MAP3K3: variants seen among roughly 807,000 people sequenced by gnomAD.
MAP3K3 encodes mitogen-activated protein kinase kinase kinase 3, also known as MAP/ERK kinase kinase 3.
A neutral mutation model predicts 80.9 loss-of-function variants in MAP3K3; 12 were observed. That is an observed-to-expected ratio of 0.15 (90% CI 0.10 to 0.24). The LOEUF (loss-of-function observed/expected upper bound fraction) is 0.24, where lower values mean the gene tolerates loss of function less well. MAP3K3 is among the 10% of genes least tolerant of loss of function. The pLI is 1.00. For missense variants in MAP3K3, 596 were observed against 834.7 expected, an observed-to-expected ratio of 0.71 and a Z score of 3.52; for synonymous variants, 272 against 307.1, an observed-to-expected ratio of 0.89 and a Z score of 1.19.
At chr17:63,678,548 G>T (rs919025544) in intron 6 of MAP3K3, among the ~76,000 whole-genome samples, 4 of 152,132 alleles carry the variant, frequency 2.6e-5, no homozygotes, top group African/African-American at 7.3e-5. Context: ...GGGGAGGCCA[G>T]ATTACTGAGG....
Position 63,692,555 on chromosome 17 carries a change from A to G in MAP3K3, c.1652+136A>G, listed in dbSNP as rs1459464091. The G allele has an allele frequency of 4.5e-6, 4 of 879,354 alleles. No homozygotes were observed. The African/African-American group carries it at 6.8e-5, about 15-fold the overall frequency. The allele number at this position is 879,354 out of a possible 1,614,324, so 54.5% of individuals were successfully genotyped here. The stretch of plus-strand genomic sequence containing the variant: ...CCCAGGCTGCAGTGTGTGCAAGGGT[A>G]TTATTGGGTGCAGTAGCACACACAC... On this transcript the variant is annotated intron_variant, in intron 15 of 15. Transcript: ENST00000361733. The surrounding 1 kb of genome is among the most constrained non-coding windows in gnomAD (Gnocchi z 4.5).
Position 63,688,769 on chromosome 17 carries a change from G to T in MAP3K3, c.779-20G>T. 6.3e-7 allele frequency: 1 copy of T among 1,584,278 alleles called. No homozygotes were observed. The highest frequency in any genetic ancestry group is 8.7e-7 in the Non-Finnish European group (1 of 1,152,848). Reference sequence around the variant, plus strand: ...CACATTGACCTACCCAGAAGCCAGTGATTCCCCTGTCTTACTCAGATCGGG... The same window carrying T: ...CACATTGACCTACCCAGAAGCCAGTTATTCCCCTGTCTTACTCAGATCGGG... On this transcript the variant is annotated intron_variant, in intron 9 of 15. Coordinates refer to ENST00000361733, the MANE Select transcript of MAP3K3 (RefSeq NM_002401.5).
intron 3 of MAP3K3, among the ~76,000 whole-genome samples, chr17:63,651,433 C>G (rs1012518578): frequency 2.0e-5 from 3 of 152,002 alleles, no homozygotes; most frequent in Non-Finnish European, 2.9e-5. Flanking sequence ...TTATCATTGC[C>G]ACTGCACTCC....
chr17:63,668,144 A>T (rs769094464), intron 6 of MAP3K3: 1 of 152,238 alleles, frequency 6.6e-6, no homozygotes, highest in South Asian at 2.1e-4. Context: ...TTATCCATAT[A>T]GGTAGAATTG....
chr17:63,652,493 T>C lies in MAP3K3; in HGVS notation c.168-64T>C, dbSNP rs549837596. On this transcript the variant is annotated intron_variant, in intron 3 of 15. Transcript: ENST00000361733. ...AGAAAGGAAGAATATACTCAGACCA[T>C]TGCTTTTTAAACCCTACGTTTTAAG... 193 of 1,056,982 alleles carry C rather than the reference T, an allele frequency of 1.8e-4. 1 individual carries two copies. The highest frequency in any genetic ancestry group is 2.7e-4 in the Non-Finnish European group (186 of 679,894). 65.5% of individuals were successfully genotyped at this position (1,056,982 alleles called of 1,614,324 possible).
chr17:63,634,385 A>T (rs1356681071), intron 2 of MAP3K3, among the ~76,000 whole-genome samples: 4 of 152,158 alleles, frequency 2.6e-5, no homozygotes, highest in African/African-American at 9.7e-5. Flanking sequence ...CTTGAATTGG[A>T]AGGCCCAAAA....
chr17:63,672,709 A>C (rs931915839), intron 6 of MAP3K3: 1 of 152,382 alleles, frequency 6.6e-6, no homozygotes, highest in South Asian at 2.1e-4. Flanking sequence ...GAGCCTGTGA[A>C]GGACACAGAA....
intron 1 of MAP3K3, among the ~76,000 whole-genome samples, chr17:63,623,933 T>C (rs2034047696): frequency 6.6e-6 from 1 of 152,238 alleles, no homozygotes; most frequent in African/African-American, 2.4e-5. Flanking sequence ...CTGTACGCTA[T>C]GTCAAATTCG....
At chr17:63,685,805 AC>A (rs1420377145) in intron 8 of MAP3K3, among the ~76,000 whole-genome samples, 2 of 152,236 alleles carry the variant, frequency 1.3e-5, no homozygotes, top group African/African-American at 2.4e-5. Context: ...TTTATTAAGT[AC>A]TTGCTTTGTT....
At chr17:63,684,120 C>T (rs1257651837) in intron 7 of MAP3K3, among the ~76,000 whole-genome samples, 1 of 151,896 alleles carries the variant, frequency 6.6e-6, no homozygotes, top group African/African-American at 2.4e-5. Context: ...GCTTAGGTGA[C>T]AGAATGAGAC....
At chr17:63,638,328 G>T (rs866071211) in intron 2 of MAP3K3, among the ~76,000 whole-genome samples, 13 of 152,146 alleles carry the variant, frequency 8.5e-5, no homozygotes, top group African/African-American at 2.9e-4. Context: ...TGCAGGGAGA[G>T]AAATCAGTAC....
intron 1 of MAP3K3, among the ~76,000 whole-genome samples, chr17:63,626,714 G>C (rs1465057973): frequency 6.6e-6 from 1 of 152,218 alleles, no homozygotes; most frequent in African/African-American, 2.4e-5. Context: ...GGAGGCAGTG[G>C]AAGTATGTGG....
At chr17:63,662,259 A>C (rs1399726816) in intron 5 of MAP3K3, among the ~76,000 whole-genome samples, 4 of 151,476 alleles carry the variant, frequency 2.6e-5, no homozygotes, top group African/African-American at 9.7e-5. Flanking sequence ...AAAAAAAAAA[A>C]AAACGAAAAT....
intron 3 of MAP3K3, among the ~76,000 whole-genome samples, chr17:63,650,710 T>A (rs1019746916): frequency 1.4e-5 from 2 of 145,228 alleles, no homozygotes; most frequent in South Asian, 2.1e-4. Flanking sequence ...TTTTTTTTTT[T>A]AGACAGGGTC....
Position 63,693,830 on chromosome 17 carries a change from G to A in MAP3K3, c.*53G>A, listed in dbSNP as rs932129859. 5 of 1,473,738 alleles carry A rather than the reference G, an allele frequency of 3.4e-6. No individual in the cohort carries two copies. The African/African-American group carries it at 5.7e-5, about 17-fold the overall frequency. 91.3% of individuals were successfully genotyped at this position (1,473,738 alleles called of 1,614,324 possible). On this transcript the variant is annotated 3_prime_UTR_variant, in exon 16 of 16. Transcript: ENST00000361733. This position sits in a 1 kb window ranked among gnomAD's most constrained non-coding sequence, Gnocchi z 4.2. ...GCCCTTTGCTGCATGGCAGGGGGCT[G>A]CTGCTGGGCTCAGTGAAGTTGCTGC...
At chr17:63,667,332 C>A (rs572225541) in intron 6 of MAP3K3, among the ~76,000 whole-genome samples, 115 of 152,320 alleles carry the variant, frequency 7.5e-4, no homozygotes, top group African/African-American at 2.3e-3. Context: ...CCTCAGACAT[C>A]TGCTTGAAGA....
At position 63,685,284 on chromosome 17, in the gene MAP3K3, G is replaced by T. The variant is rs1205702284; in HGVS notation, c.637-233G>T. On this transcript the variant is annotated intron_variant, in intron 7 of 15. Transcript: ENST00000361733. ...AGCAGAGCCTCTGCTTTGCTCTCCTGCCAGAGCTCCTTGGGATGCCAGCCA... is the reference window on the plus strand; with the variant it reads ...AGCAGAGCCTCTGCTTTGCTCTCCTTCCAGAGCTCCTTGGGATGCCAGCCA... 5.3e-5 allele frequency among the ~76,000 whole-genome samples: 8 copies of T among 152,312 alleles called. No individual in the cohort carries two copies. In the South Asian group the frequency reaches 6.2e-4, roughly 12 times the overall value.
Position 63,689,030 on chromosome 17 carries a change from AAC to A in MAP3K3, c.871+151_871+152del. ...CTTGAGGCATGGGAGACAGGAAAAAAACAAAAACAAAAACAGGGAAGATAGTA... is the reference window on the plus strand; with the variant it reads ...CTTGAGGCATGGGAGACAGGAAAAAAAAAAACAAAAACAGGGAAGATAGTA... On this transcript the variant is annotated intron_variant, in intron 10 of 15. Transcript: ENST00000361733. The surrounding 1 kb of genome is among the most constrained non-coding windows in gnomAD (Gnocchi z 4.3). 1.6e-6 allele frequency: 1 copy of A among 618,242 alleles called. No homozygotes were observed. Among genetic ancestry groups the A allele is most frequent in the South Asian group, 1.9e-5 (1 of 52,242 alleles). The allele number at this position is 618,242 out of a possible 1,614,324, so 38.3% of individuals were successfully genotyped here.
intron 1 of MAP3K3, among the ~76,000 whole-genome samples, chr17:63,624,886 T>C (rs920978300): frequency 5.9e-5 from 9 of 152,218 alleles, no homozygotes; most frequent in African/African-American, 1.9e-4. Context: ...ATAGAGCTCA[T>C]TGAGGATATG....
Sources: allele counts gnomAD v4.1 joint callset (sites outside exome capture counted in the v4.1 genomes callset), GRCh38; gene constraint gnomAD v4.1.1; non-coding constraint Gnocchi (gnomAD v3.1); transcripts MANE v1.5; gene names NCBI Gene and HGNC (gene_info 2026-07-23, HGNC 2026-07-21).